Variants in OR4N2 observed in about 807,000 individuals in gnomAD.
The protein encoded by OR4N2 is olfactory receptor 4N2.
For missense variants in OR4N2, 307 were observed against 377.6 expected (o/e 0.81, Z 1.55); for synonymous variants, 141 against 140.4 (o/e 1.00, Z -0.03).
intron 1 of OR4N2, among the ~76,000 whole-genome samples, chr14:19,811,894 C>A (rs1879305497): frequency 1.3e-5 from 2 of 152,234 alleles, no homozygotes; most frequent in South Asian, 2.1e-4. Flanking sequence ...AGGAAGAATG[C>A]AAGTATACAT....
At chr14:19,823,002 T>C (rs1879603933) in intron 1 of OR4N2, among the ~76,000 whole-genome samples, 1 of 152,256 alleles carries the variant, frequency 6.6e-6, no homozygotes, top group African/African-American at 2.4e-5. Flanking sequence ...AAATGGAATT[T>C]AGAGGCCATT....
chr14:19,811,213 G>C (rs560364808), intron 1 of OR4N2, among the ~76,000 whole-genome samples: 1 of 152,222 alleles, frequency 6.6e-6, no homozygotes, highest in African/African-American at 2.4e-5. Flanking sequence ...TACAAGGAAA[G>C]ATGATTTCTC....
intron 1 of OR4N2, among the ~76,000 whole-genome samples, chr14:19,822,965 A>G (rs1170212151): frequency 2.0e-5 from 3 of 152,226 alleles, no homozygotes; most frequent in Non-Finnish European, 4.4e-5. Flanking sequence ...CTTTTATGTT[A>G]TTACATTGCC....
At chr14:19,807,121 C>A (rs1242847635) in intron 1 of OR4N2, among the ~76,000 whole-genome samples, 9 of 151,642 alleles carry the variant, frequency 5.9e-5, no homozygotes, top group African/African-American at 2.2e-4. Context: ...GCATTAAATA[C>A]CTTCATCAAG....
intron 1 of OR4N2, among the ~76,000 whole-genome samples, chr14:19,822,823 C>T (rs941406180): frequency 6.6e-6 from 1 of 152,260 alleles, no homozygotes; most frequent in African/African-American, 2.4e-5. Context: ...CCCAAAGAGT[C>T]AATACATTAA....
intron 1 of OR4N2, among the ~76,000 whole-genome samples, chr14:19,824,754 G>A (rs1373334853): frequency 6.6e-6 from 1 of 152,130 alleles, no homozygotes; most frequent in Non-Finnish European, 1.5e-5. Flanking sequence ...CTTTCCTTAT[G>A]ATTTTGTTAT....
At chr14:19,810,495 T>C (rs1242742517) in intron 1 of OR4N2, among the ~76,000 whole-genome samples, 1 of 152,208 alleles carries the variant, frequency 6.6e-6, no homozygotes, top group Admixed American at 6.5e-5. Context: ...TGAGTACATA[T>C]CCAAAGGAAT....
intron 1 of OR4N2, among the ~76,000 whole-genome samples, chr14:19,815,399 G>C (rs1273127541): frequency 6.6e-6 from 1 of 152,196 alleles, no homozygotes; most frequent in African/African-American, 2.4e-5. Context: ...TTGTGGTTTT[G>C]ATTTGCATTT....
chr14:19,815,493 A>G (rs1879400995), intron 1 of OR4N2, among the ~76,000 whole-genome samples: 1 of 152,064 alleles, frequency 6.6e-6, no homozygotes, highest in African/African-American at 2.4e-5. Flanking sequence ...GTCTGTTCAT[A>G]TCCTTTGCTC....
At chr14:19,827,409 A>G in intron 1 of OR4N2, 31 bp from the exon 2 acceptor site, 2 of 1,515,766 alleles carry the variant, frequency 1.3e-6, no homozygotes, top group Non-Finnish European at 1.8e-6. Context: ...CATAGTAATA[A>G]CAATTAATTC....
At chr14:19,815,087 T>G (rs1202129576) in intron 1 of OR4N2, among the ~76,000 whole-genome samples, 1 of 152,236 alleles carries the variant, frequency 6.6e-6, no homozygotes, top group African/African-American at 2.4e-5. Context: ...GGCATTTGGG[T>G]TGGTTCCAAG....
intron 1 of OR4N2, among the ~76,000 whole-genome samples, chr14:19,809,582 C>A (rs1879247033): frequency 6.6e-6 from 1 of 152,238 alleles, no homozygotes; most frequent in African/African-American, 2.4e-5. Context: ...GGAGGCATCA[C>A]ATTACCCAAC....
Position 19,828,099 on chromosome 14 carries a change from C to T in OR4N2, c.651C>T (p.Ser217=). 1 of 1,614,236 alleles carries T rather than the reference C, an allele frequency of 6.2e-7. No individual in the cohort carries two copies. Among genetic ancestry groups the T allele is most frequent in the Non-Finnish European group, 8.5e-7 (1 of 1,180,054 alleles). The stretch of plus-strand genomic sequence containing the variant: ...TGTGCTTTCTGGGGCTTCTGGCCTC[C>T]TATGCAGTCATTCTTTGTCGCATAC... ...TLLCFLGLLA[S]YAVILCRIRG... Residue 217 remains serine, a synonymous_variant, in exon 2 of 2, where the codon TCC becomes TCT. Transcript: ENST00000557677.
intron 1 of OR4N2, among the ~76,000 whole-genome samples, chr14:19,825,094 G>A (rs1408954416): frequency 6.6e-6 from 1 of 152,268 alleles, no homozygotes; most frequent in African/African-American, 2.4e-5. Context: ...AAGCTCATTT[G>A]AAGGAACTAC....
At chr14:19,824,235 G>A (rs1354702447) in intron 1 of OR4N2, among the ~76,000 whole-genome samples, 1 of 152,296 alleles carries the variant, frequency 6.6e-6, no homozygotes, top group South Asian at 2.1e-4. Flanking sequence ...TTAGAGGAAT[G>A]CTCATCTGAT....
At chr14:19,804,748 C>T (rs1202736240) in intron 1 of OR4N2, among the ~76,000 whole-genome samples, 1 of 152,146 alleles carries the variant, frequency 6.6e-6, no homozygotes, top group Non-Finnish European at 1.5e-5. Context: ...TCCCGAATCT[C>T]TTTGTTCATT....
chr14:19,813,996 CTTTG>C, intron 1 of OR4N2, among the ~76,000 whole-genome samples: 1 of 151,934 alleles, frequency 6.6e-6, no homozygotes, highest in South Asian at 2.1e-4. Flanking sequence ...TACTCTTACA[CTTTG>C]TTTTTGAAAT....
intron 1 of OR4N2, among the ~76,000 whole-genome samples, chr14:19,810,132 A>G (rs1807055077): frequency 6.6e-6 from 1 of 152,256 alleles, no homozygotes; most frequent in African/African-American, 2.4e-5. Context: ...CAGAATCTAC[A>G]AGGAACTTAA....
At chr14:19,822,678 G>A (rs150737075) in intron 1 of OR4N2, among the ~76,000 whole-genome samples, 2,323 of 152,096 alleles carry the variant, frequency 0.015, 56 homozygotes, top group East Asian at 0.069. Flanking sequence ...AGATCTAGCA[G>A]CATTCTGTCC....
Sources: allele counts gnomAD v4.1 joint callset (sites outside exome capture counted in the v4.1 genomes callset), GRCh38; gene constraint gnomAD v4.1.1; transcripts MANE v1.5; gene names NCBI Gene and HGNC (gene_info 2026-07-23, HGNC 2026-07-21).